The following POLN variants were observed in gnomAD, a reference collection of about 807,000 sequenced individuals.
The protein encoded by POLN is DNA polymerase N.
Under a neutral mutation model 113.5 loss-of-function variants are expected in POLN, and 108 were observed. That is an observed-to-expected ratio of 0.95 (90% CI 0.81 to 1.12). POLN has a LOEUF of 1.12. Ranked by LOEUF, POLN falls within the 50% of genes most tolerant of loss-of-function variation. The pLI is 0.00. For synonymous variants in POLN, 386 were observed against 391.5 expected, an observed-to-expected ratio of 0.99 and a Z score of 0.17; for missense variants, 1,097 against 1,077.1, an observed-to-expected ratio of 1.02 and a Z score of -0.26.
chr4:2,197,881 G>A (rs1235645455), intron 6 of POLN, among the ~76,000 whole-genome samples: 1 of 152,224 alleles, frequency 6.6e-6, no homozygotes, highest in Non-Finnish European at 1.5e-5. Context: ...TGGGAAGGCA[G>A]TGGATACCTC....
rs75718798 is a variant in POLN, at chr4:2,160,446, C to T, written c.1555-1235G>A. 2.1e-3 allele frequency among the ~76,000 whole-genome samples: 322 copies of T among 151,746 alleles called. 1 individual carries two copies. Among genetic ancestry groups the T allele is most frequent in the African/African-American group, 7.4e-3 (304 of 41,320 alleles). ...TTTTTACATAAGGTCTTGCTCTGTT[C>T]CCCGGGCTGGAGTGAAGTCGTGCAA... On this transcript the variant is annotated intron_variant, in intron 13 of 25. Coordinates refer to ENST00000511885, the MANE Select transcript of POLN (RefSeq NM_181808.4).
In POLN at chr4:2,073,088, C is replaced by T. The variant is rs371547531; in HGVS notation, c.2456-59G>A. ...TCTCTTGGCCTTGGGGCCTGGGAGC[C>T]GAAGATAAGAGAACTTTCAGGCCCG... On this transcript the variant is annotated intron_variant, in intron 24 of 25. Transcript: ENST00000511885. 462 of 1,562,542 alleles carry T rather than the reference C, an allele frequency of 3.0e-4. No individual in the cohort carries two copies. In the African/African-American group the frequency reaches 3.7e-3, roughly 12 times the overall value.
chr4:2,227,394 C>G (rs899806967), intron 3 of POLN: 2 of 152,188 alleles, frequency 1.3e-5, no homozygotes, highest in Admixed American at 6.6e-5. Flanking sequence ...CACCTGGAGT[C>G]CACCCTTGCA....
chr4:2,093,146 G>C lies in POLN; in HGVS notation c.2065+2705C>G, dbSNP rs1730706370. ...CAGAAGGAGCCAAACGGGTGGCAGAGAAGACCACCTTTTTCTGGGTAGGTG... is the reference window on the plus strand; with the variant it reads ...CAGAAGGAGCCAAACGGGTGGCAGACAAGACCACCTTTTTCTGGGTAGGTG... On this transcript the variant is annotated intron_variant, in intron 20 of 25. Transcript: ENST00000511885. This position sits in a 1 kb window ranked among gnomAD's most constrained non-coding sequence, Gnocchi z 4.1. Among the ~76,000 whole-genome samples the C allele has an allele frequency of 6.6e-6, 1 of 151,896 alleles. No individual in the cohort carries two copies. The highest frequency in any genetic ancestry group is 2.4e-5 in the African/African-American group (1 of 41,326).
chr4:2,174,664 CT>C (rs756036759), intron 10 of POLN, 26 bp downstream of exon 10: 9 of 1,567,956 alleles, frequency 5.7e-6, no homozygotes, highest in Non-Finnish European at 7.9e-6. Context: ...AGAAAAATGG[CT>C]GTACTTCATC....
chr4:2,170,581 G>T, intron 13 of POLN, 98 bp downstream of exon 13: 1 of 1,024,226 alleles, frequency 9.8e-7, no homozygotes, highest in South Asian at 1.6e-5. Flanking sequence ...AGCATGAGGG[G>T]ACGGCCTGAG....
rs201388121 is a variant in POLN, at chr4:2,095,453, G to A, written c.2065+398C>T. ...GAGCTCTGCCCTAGGGAGATGGGGT[G>A]CATGTTGAGATGTGGCAATGAGTCC... On this transcript the variant is annotated intron_variant, in intron 20 of 25. Transcript: ENST00000511885. Among the ~76,000 whole-genome samples, 15 of 152,330 alleles carry A rather than the reference G, an allele frequency of 9.8e-5. No individual in the cohort carries two copies. The East Asian group carries it at 2.1e-3, about 22-fold the overall frequency.
At chr4:2,206,699 T>C (rs1430986499) in intron 5 of POLN, among the ~76,000 whole-genome samples, 1 of 152,192 alleles carries the variant, frequency 6.6e-6, no homozygotes, top group Non-Finnish European at 1.5e-5. Flanking sequence ...CACAATGTAA[T>C]ACCATCTTAC....
intron 23 of POLN, 39 bp downstream of exon 23, chr4:2,080,919 C>T (rs749500798): frequency 6.2e-7 from 1 of 1,613,366 alleles, no homozygotes; most frequent in East Asian, 2.2e-5. Flanking sequence ...AGAATACTAA[C>T]CCTCCCATCC....
At chr4:2,240,067 C>T (rs180812538) in intron 2 of POLN, 1 of 1,613,866 alleles carries the variant, frequency 6.2e-7, no homozygotes, top group African/African-American at 1.3e-5. Flanking sequence ...AGACTCTCCT[C>T]TGCCCATTTT....
At chr4:2,137,331 C>G (rs1731882122) in intron 16 of POLN, among the ~76,000 whole-genome samples, 1 of 152,210 alleles carries the variant, frequency 6.6e-6, no homozygotes, top group Non-Finnish European at 1.5e-5. Context: ...GTCCGCCAGA[C>G]AATGCCAGCG....
chr4:2,174,424 C>T (rs1247860456), intron 10 of POLN, among the ~76,000 whole-genome samples: 1 of 152,218 alleles, frequency 6.6e-6, no homozygotes, highest in African/African-American at 2.4e-5. Flanking sequence ...ACACATAAAA[C>T]ATCTAGAGAA....
chr4:2,241,011 A>T, intron 2 of POLN: 3 of 1,260,166 alleles, frequency 2.4e-6, no homozygotes, highest in Non-Finnish European at 3.3e-6. Context: ...TTAGAAAATA[A>T]ATCCAAGCAG....
At chr4:2,224,337 G>A (rs2108771317) in intron 3 of POLN, among the ~76,000 whole-genome samples, 1 of 152,172 alleles carries the variant, frequency 6.6e-6, no homozygotes, top group East Asian at 1.9e-4. Flanking sequence ...ACCTTCTTCT[G>A]GATACCTCCT....
At chr4:2,241,919 AGC>A in intron 1 of POLN, 129 bp from the exon 2 acceptor site, 1 of 985,502 alleles carries the variant, frequency 1.0e-6, no homozygotes, top group Non-Finnish European at 1.2e-6. Flanking sequence ...ATCCCCGGGC[AGC>A]TGCTGGAGCA....
intron 1 of POLN, 93 bp downstream of exon 1, chr4:2,241,958 G>GA (rs927828581): frequency 3.0e-6 from 3 of 985,264 alleles, no homozygotes; most frequent in Non-Finnish European, 3.6e-6. Context: ...AGGAGCGCAG[G>GA]AAAAAAAAGA....
At chr4:2,150,650 A>C (rs1027056954) in intron 16 of POLN, among the ~76,000 whole-genome samples, 1 of 152,260 alleles carries the variant, frequency 6.6e-6, no homozygotes, top group Non-Finnish European at 1.5e-5. Context: ...ATATAGATCA[A>C]CTAGACTGAG....
chr4:2,152,559 T>C (rs1202765238), intron 16 of POLN, among the ~76,000 whole-genome samples: 2 of 151,298 alleles, frequency 1.3e-5, no homozygotes, highest in Non-Finnish European at 2.9e-5. Flanking sequence ...ATCTGATTTT[T>C]AAAAATATTA....
intron 16 of POLN, among the ~76,000 whole-genome samples, 165 bp from the exon 17 acceptor site, chr4:2,131,455 A>G (rs1731727236): frequency 6.6e-6 from 1 of 152,188 alleles, no homozygotes; most frequent in Non-Finnish European, 1.5e-5. Flanking sequence ...ATCAAAACAT[A>G]ATTTTGGTGA....
Sources: gnomAD v4.1 joint callset for allele counts (sites outside exome capture counted in the v4.1 genomes callset) on GRCh38, gnomAD v4.1.1 for gene constraint, Gnocchi (gnomAD v3.1) non-coding constraint, MANE v1.5 for transcripts, NCBI Gene and HGNC (gene_info 2026-07-23, HGNC 2026-07-21) for gene names.